The following EPM2A variants were observed in gnomAD, a reference collection of about 807,000 sequenced individuals.
EPM2A encodes the protein EPM2A glucan phosphatase, laforin, also known as laforin.
In EPM2A, 21 loss-of-function variants were observed where a neutral mutation model predicts 26.5. The ratio of observed to expected loss-of-function variants is 0.79; its 90% CI spans 0.56 to 1.14. The LOEUF is 1.14. EPM2A is among the 50% of genes most tolerant of loss of function. EPM2A has a pLI of 0.00. For missense variants in EPM2A, 458 were observed against 440.8 expected (o/e 1.04, Z -0.35); for synonymous variants, 217 against 177.6 (o/e 1.22, Z -1.76).
chr6:145,473,008 C>T (rs1455000488), intron 4 of EPM2A, among the ~76,000 whole-genome samples: 1 of 151,954 alleles, frequency 6.6e-6, no homozygotes, highest in Non-Finnish European at 1.5e-5. Flanking sequence ...CATCTAGTAG[C>T]ATCAACACTA....
rs142690944 is a variant in EPM2A at position 145,703,110 on chromosome 6, C to T, written c.302-16814G>A. 4.5e-3 allele frequency among the ~76,000 whole-genome samples: 632 copies of T among 141,354 alleles called. 3 individuals are homozygous for T. Among genetic ancestry groups the T allele is most frequent in the Non-Finnish European group, 4.5e-3 (293 of 64,418 alleles). The allele number at this position is 141,354 out of a possible 152,430, so 92.7% of individuals were successfully genotyped here. ...ACATGTTTCTTTTTTTTTTTTTTTT[C>T]GAGACGGAGTCTCGCTCTGTTGCCC... On this transcript the variant is annotated intron_variant, in intron 1 of 3. Transcript: ENST00000367519.
At chr6:145,603,387 G>T (rs935001243) in intron 2 of EPM2A, among the ~76,000 whole-genome samples, 1 of 151,852 alleles carries the variant, frequency 6.6e-6, no homozygotes, top group Non-Finnish European at 1.5e-5. Flanking sequence ...AGCCCATCAG[G>T]TTCTTTTGTA....
intron 2 of EPM2A, among the ~76,000 whole-genome samples, chr6:145,576,088 G>C (rs974197366): frequency 2.4e-4 from 36 of 152,280 alleles, no homozygotes; most frequent in Non-Finnish European, 8.8e-5. Context: ...CACCCACCTT[G>C]GCTTCCCAAA....
At chr6:145,492,598 G>A (rs1779769250) in intron 4 of EPM2A, among the ~76,000 whole-genome samples, 1 of 151,818 alleles carries the variant, frequency 6.6e-6, no homozygotes, top group South Asian at 2.1e-4. Context: ...TTGAAGGAAG[G>A]CGAATGCAGA....
chr6:145,632,527 T>C (rs1205294515), intron 3 of EPM2A, among the ~76,000 whole-genome samples: 1 of 151,554 alleles, frequency 6.6e-6, no homozygotes, highest in Admixed American at 6.6e-5. Flanking sequence ...AAAATGTTTA[T>C]AAAAGATTTT....
chr6:145,440,846 GC>G (rs1779052876), intron 4 of EPM2A, among the ~76,000 whole-genome samples: 1 of 152,200 alleles, frequency 6.6e-6, no homozygotes, highest in Non-Finnish European at 1.5e-5. Flanking sequence ...GCAGGGGACA[GC>G]CCTTCTGGTT....
chr6:145,686,330 A>G, intron 1 of EPM2A, 34 bp from the exon 2 acceptor site: 1 of 1,573,208 alleles, frequency 6.4e-7, no homozygotes, highest in Middle Eastern at 1.7e-4. Flanking sequence ...CAGAGCAATT[A>G]AATCAGTGTT....
chr6:145,618,611 T>C (rs1775565120), intron 2 of EPM2A, among the ~76,000 whole-genome samples: 1 of 152,224 alleles, frequency 6.6e-6, no homozygotes, highest in African/African-American at 2.4e-5. Context: ...GCACTTCTCC[T>C]TCCTGCTGCT....
chr6:145,567,628 G>A (rs1434902141), intron 2 of EPM2A, among the ~76,000 whole-genome samples: 1 of 152,198 alleles, frequency 6.6e-6, no homozygotes, highest in East Asian at 1.9e-4. Context: ...GGACATGTAA[G>A]AAAACACATG....
downstream of EPM2A, among the ~76,000 whole-genome samples, chr6:145,497,811 A>C (rs1031484731): frequency 2.0e-5 from 3 of 151,908 alleles, no homozygotes; most frequent in Non-Finnish European, 1.5e-5. Flanking sequence ...TTAAGGAACC[A>C]CTCTGTCCAC....
chr6:145,489,875 G>A lies in EPM2A; in HGVS notation c.555+12647C>T, dbSNP rs1779731944. The A allele has an allele frequency of 3.6e-6, 5 of 1,392,822 alleles. No individual in the cohort carries two copies. The East Asian group carries it at 9.2e-5, about 26-fold the overall frequency. The allele number at this position is 1,392,822 out of a possible 1,614,324, so 86.3% of individuals were successfully genotyped here. A position where few individuals can be genotyped will look rare whatever the true frequency, so the allele number is the denominator to read the frequency against. ...ACCTGATTTATCCATTCAAAGTGAA[G>A]CTTCTCTACGTGTACTTCAGTACCT... On this transcript the variant is annotated intron_variant, in intron 4 of 4. Transcript: ENST00000638717.
intron 4 of EPM2A, among the ~76,000 whole-genome samples, chr6:145,484,546 C>T (rs149571733): frequency 9.9e-5 from 15 of 152,174 alleles, no homozygotes; most frequent in African/African-American, 3.6e-4. Context: ...GAGTCAAAGA[C>T]ATAATCTCCA....
At chr6:145,557,218 C>A (rs927415516) in intron 2 of EPM2A, among the ~76,000 whole-genome samples, 1 of 151,998 alleles carries the variant, frequency 6.6e-6, no homozygotes, top group Admixed American at 6.6e-5. Context: ...TTCCACAGAA[C>A]CATTGGCTGA....
chr6:145,588,347 T>C (rs554157100), intron 2 of EPM2A, among the ~76,000 whole-genome samples: 5 of 152,308 alleles, frequency 3.3e-5, no homozygotes, highest in African/African-American at 1.2e-4. Context: ...GGACAAATCA[T>C]ACAATTCATG....
intron 4 of EPM2A, among the ~76,000 whole-genome samples, chr6:145,477,662 C>T (rs1382307185): frequency 1.3e-5 from 2 of 151,652 alleles, no homozygotes; most frequent in African/African-American, 4.8e-5. Flanking sequence ...TAATATTAAT[C>T]AAATGAGGGA....
At chr6:145,565,364 C>G (rs1255614774) in intron 2 of EPM2A, among the ~76,000 whole-genome samples, 3 of 152,160 alleles carry the variant, frequency 2.0e-5, no homozygotes, top group Non-Finnish European at 4.4e-5. Flanking sequence ...GGTACCCGTG[C>G]AGCTGTATCT....
At chr6:145,632,360 T>A (rs1197359733) in intron 3 of EPM2A, 1 of 152,182 alleles carries the variant, frequency 6.6e-6, no homozygotes, top group Non-Finnish European at 1.5e-5. Context: ...AGGGTAGACA[T>A]TTGTTATAAA....
chr6:145,689,201 A>C (rs1392020970), intron 1 of EPM2A, among the ~76,000 whole-genome samples: 1 of 152,214 alleles, frequency 6.6e-6, no homozygotes, highest in Non-Finnish European at 1.5e-5. Flanking sequence ...TTTCATGGAT[A>C]GTAAACTGAG....
At chr6:145,470,866 C>G (rs886613465) in intron 4 of EPM2A, among the ~76,000 whole-genome samples, 1 of 152,132 alleles carries the variant, frequency 6.6e-6, no homozygotes, top group African/African-American at 2.4e-5. Context: ...TAATAAACCA[C>G]CCCAAACTCA....
Sources: allele counts gnomAD v4.1 joint callset (sites outside exome capture counted in the v4.1 genomes callset), GRCh38; gene constraint gnomAD v4.1.1; transcripts MANE v1.5; gene names NCBI Gene and HGNC (gene_info 2026-07-23, HGNC 2026-07-21).